Variants in PCLO observed in about 807,000 individuals in gnomAD.
PCLO encodes protein piccolo.
A neutral mutation model predicts 427.5 loss-of-function variants in PCLO; 82 were observed. That is an observed-to-expected ratio of 0.19 (90% CI 0.16 to 0.23). The LOEUF is 0.23. PCLO is among the 10% of genes least tolerant of loss of function. PCLO has a pLI of 1.00. For synonymous variants in PCLO, 2,357 were observed against 2,155.4 expected (o/e 1.09, Z -2.59); for missense variants, 6,239 against 6,115.9 (o/e 1.02, Z -0.67).
rs575314627 is a variant in PCLO at position 83,054,778 on chromosome 7, C to A, written c.3300+79472G>T. Among the ~76,000 whole-genome samples, 12 of 151,996 alleles carry A rather than the reference C, an allele frequency of 7.9e-5. No homozygotes were observed. The South Asian group carries it at 2.3e-3, about 29-fold the overall frequency. On this transcript the variant is annotated intron_variant, in intron 3 of 24. Coordinates refer to ENST00000333891, the MANE Select transcript of PCLO (RefSeq NM_033026.6). ...AGTGTGCATTAAGGCAGAAGCATTG[C>A]CAATGAGGAGGAATTTCCTCCTTGG...
At chr7:83,082,317 A>G (rs775720595) in intron 3 of PCLO, among the ~76,000 whole-genome samples, 92 of 151,752 alleles carry the variant, frequency 6.1e-4, no homozygotes, top group Non-Finnish European at 1.2e-3. Context: ...TTTGCTTTAT[A>G]TTAAAAGAAA....
intron 4 of PCLO, among the ~76,000 whole-genome samples, chr7:82,959,152 C>T (rs1210293599): frequency 1.3e-5 from 2 of 152,096 alleles, no homozygotes; most frequent in Non-Finnish European, 2.9e-5. Flanking sequence ...CTGCCACCTC[C>T]GCCTCCTGGG....
chr7:83,127,401 A>G lies in PCLO; in HGVS notation c.3300+6849T>C, dbSNP rs1464642419. 2.0e-5 allele frequency among the ~76,000 whole-genome samples: 3 copies of G among 152,134 alleles called. No homozygotes were observed. The East Asian group carries it at 5.8e-4, about 29-fold the overall frequency. On this transcript the variant is annotated intron_variant, in intron 3 of 24. Transcript: ENST00000333891. ...CAGTCACTATGTGTATATAACCATT[A>G]TAAAAACAAGCAAAAATCATTAGAA...
At chr7:82,804,169 A>G (rs1583992374) in intron 21 of PCLO, among the ~76,000 whole-genome samples, 2 of 152,190 alleles carry the variant, frequency 1.3e-5, no homozygotes, top group Non-Finnish European at 2.9e-5. Context: ...TTTCTGTCAA[A>G]TTGGATCATC....
chr7:82,845,209 T>C (rs551227648), intron 13 of PCLO, 62 bp downstream of exon 13: 1 of 1,086,690 alleles, frequency 9.2e-7, no homozygotes, highest in Non-Finnish European at 1.4e-6. Context: ...TTATTTTCTG[T>C]CTCTATGCTG....
At position 82,952,272 on chromosome 7, in the gene PCLO, T is replaced by C. The variant is rs776680802; in HGVS notation, c.8681A>G (p.Asp2894Gly). The C allele has an allele frequency of 6.2e-7, 1 of 1,613,958 alleles. No homozygotes were observed. Among genetic ancestry groups the C allele is most frequent in the East Asian group, 2.2e-5 (1 of 44,874 alleles). The change falls in exon 5 of 25, where the codon GAT (aspartate) becomes GGT (glycine). Residue 2894 changes from aspartate to glycine, a missense_variant. Transcript: ENST00000333891. ...TGTACTGAGATCCACTACTTCCCCA[T>C]CAGTGATTCCCTGGGATACGGTGCT... Reference protein sequence around the residue: ...TDSTVSQGITDGEVVDLSTTK... With the variant: ...TDSTVSQGITGGEVVDLSTTK...
At chr7:82,764,860 T>A (rs1006945885) in intron 22 of PCLO, among the ~76,000 whole-genome samples, 5 of 151,894 alleles carry the variant, frequency 3.3e-5, no homozygotes, top group African/African-American at 1.2e-4. Flanking sequence ...ATTAACAGTG[T>A]AAGACAAGGC....
intron 20 of PCLO, chr7:82,821,653 T>A (rs924672076): frequency 4.1e-6 from 4 of 970,146 alleles, no homozygotes; most frequent in Non-Finnish European, 4.9e-6. Context: ...TTAAGATAGG[T>A]CAATTGTTAT....
intron 3 of PCLO, among the ~76,000 whole-genome samples, chr7:83,132,660 T>C (rs546505382): frequency 2.6e-5 from 4 of 152,222 alleles, no homozygotes; most frequent in African/African-American, 9.6e-5. Flanking sequence ...TTTTAAGTTA[T>C]AGTGCTCAAC....
At chr7:82,913,127 C>T (rs895359077) in intron 7 of PCLO, among the ~76,000 whole-genome samples, 1 of 151,752 alleles carries the variant, frequency 6.6e-6, no homozygotes, top group Non-Finnish European at 1.5e-5. Flanking sequence ...AATAAAAAAC[C>T]CACAAATTGA....
Position 82,951,435 on chromosome 7 carries a change from T to A in PCLO, c.9153A>T (p.Gln3051His). The A allele has an allele frequency of 1.3e-6, 2 of 1,591,774 alleles. No individual in the cohort carries two copies. The highest frequency in any genetic ancestry group is 3.6e-5 in the Admixed American group (2 of 56,242). The change falls in exon 6 of 25, where the codon CAA (glutamine) becomes CAT (histidine). Residue 3051 changes from glutamine (Q) to histidine (H), a missense_variant. Coordinates refer to ENST00000333891, the MANE Select transcript of PCLO (RefSeq NM_033026.6). ...TACTAATCCCAGCTCCTGAAATGACTTGTCGTGTTTCTGGATATGGACCTG... is the reference window on the plus strand; with the variant it reads ...TACTAATCCCAGCTCCTGAAATGACATGTCGTGTTTCTGGATATGGACCTG... The part of the protein sequence containing the change: ...KTTGPYPETR[Q>H]VISGAGISTP...
At chr7:82,909,409 C>A (rs938396681) in intron 7 of PCLO, among the ~76,000 whole-genome samples, 6 of 152,142 alleles carry the variant, frequency 3.9e-5, no homozygotes, top group African/African-American at 1.4e-4. Flanking sequence ...CCCATACTCT[C>A]CCCACAACCC....
chr7:82,920,963 A>T (rs1162266598), intron 6 of PCLO, among the ~76,000 whole-genome samples: 1 of 151,858 alleles, frequency 6.6e-6, no homozygotes, highest in Non-Finnish European at 1.5e-5. Flanking sequence ...AAATATGAAA[A>T]CATTCAATTT....
At chr7:82,958,007 A>G (rs1405995565) in intron 4 of PCLO, among the ~76,000 whole-genome samples, 1 of 152,200 alleles carries the variant, frequency 6.6e-6, no homozygotes, top group East Asian at 1.9e-4. Flanking sequence ...TTGCTAATTA[A>G]AAATATATAT....
At chr7:82,801,734 C>T (rs936923493) in intron 21 of PCLO, 143 bp from the exon 22 acceptor site, 5 of 596,376 alleles carry the variant, frequency 8.4e-6, no homozygotes, top group Admixed American at 3.1e-5. Flanking sequence ...TTTGGACTTG[C>T]AATAATTATT....
intron 3 of PCLO, among the ~76,000 whole-genome samples, chr7:83,005,764 TAGGGGAAGCTGAGTTAAATA>T: frequency 6.6e-6 from 1 of 151,682 alleles, no homozygotes; most frequent in Non-Finnish European, 1.5e-5. Context: ...AAAGCTGGGT[TAGGGGAAGCTGAGTTAAATA>T]TTTTGCATGT....
At chr7:83,097,390 C>T (rs1461765564) in intron 3 of PCLO, among the ~76,000 whole-genome samples, 6 of 145,194 alleles carry the variant, frequency 4.1e-5, no homozygotes, top group African/African-American at 1.5e-4. Flanking sequence ...GGCATGGTGG[C>T]GGGCGCCTGT....
rs140722455 is a variant in PCLO at position 82,848,764 on chromosome 7, G to C, written c.13655-1517C>G. 470 of 200,200 alleles carry C rather than the reference G, an allele frequency of 2.3e-3. 3 individuals carry two copies. The highest frequency in any genetic ancestry group is 0.01 in the African/African-American group (452 of 43,674). The allele number at this position is 200,200 out of a possible 1,614,324, so 12.4% of individuals were successfully genotyped here. On this transcript the variant is annotated intron_variant, in intron 10 of 24. Coordinates refer to ENST00000333891, the MANE Select transcript of PCLO (RefSeq NM_033026.6). The stretch of plus-strand genomic sequence containing the variant: ...TATATTAGAAAGCATATTACCAGTT[G>C]CAAGTAAGTAAAGGAAAAACTTTTA...
chr7:82,762,788 C>T (rs550457215), intron 22 of PCLO, among the ~76,000 whole-genome samples: 6 of 151,906 alleles, frequency 3.9e-5, no homozygotes, highest in South Asian at 2.1e-4. Flanking sequence ...CTCTTTCTTT[C>T]GCTCTCTTTC....
Sources: allele counts gnomAD v4.1 joint callset (sites outside exome capture counted in the v4.1 genomes callset), GRCh38; gene constraint gnomAD v4.1.1; transcripts MANE v1.5; gene names NCBI Gene and HGNC (gene_info 2026-07-23, HGNC 2026-07-21).